KRABD2: variants seen among roughly 807,000 people sequenced by gnomAD.
The protein encoded by KRABD2 is KRAB domain containing 2, also known as KRAB domain-containing protein 2.
chr17:8,365,986 G>T, the KRABD2 span, among the ~76,000 whole-genome samples: 1 of 152,026 alleles, frequency 6.6e-6, no homozygotes, highest in Non-Finnish European at 1.5e-5. Flanking sequence ...AATTAGCCGG[G>T]CGTGGTTGGC....
the KRABD2 span, among the ~76,000 whole-genome samples, chr17:8,366,753 GCT>G: frequency 1.3e-5 from 2 of 151,132 alleles, no homozygotes; most frequent in African/African-American, 4.9e-5. Context: ...ATAGAGCCTT[GCT>G]CTGTCGCCCA....
At chr17:8,367,997 G>A in the KRABD2 span, among the ~76,000 whole-genome samples, 18 of 147,876 alleles carry the variant, frequency 1.2e-4, no homozygotes, top group Non-Finnish European at 2.2e-4. Context: ...GTGTGGTGGC[G>A]TGTGCCTGTA....
the KRABD2 span, chr17:8,359,803 T>G: frequency 2.2e-6 from 1 of 456,038 alleles, no homozygotes; most frequent in South Asian, 1.5e-5. Flanking sequence ...CTGGGTTCTG[T>G]GTTGAGCGAG....
chr17:8,370,498 T>G, the KRABD2 span: 1 of 725,720 alleles, frequency 1.4e-6, no homozygotes. Context: ...AAGATGATTA[T>G]ATGGAAGAAT....
At chr17:8,360,863 T>C in the KRABD2 span, among the ~76,000 whole-genome samples, 17 of 152,294 alleles carry the variant, frequency 1.1e-4, no homozygotes, top group Non-Finnish European at 1.5e-4. Flanking sequence ...CATGCACTGA[T>C]TGAACCTAAC....
At chr17:8,363,359 AT>A in the KRABD2 span, among the ~76,000 whole-genome samples, 6,360 of 150,654 alleles carry the variant, frequency 0.042, 154 homozygotes, top group Non-Finnish European at 0.06. Context: ...TTAGAAAACA[AT>A]TTTTTTTTTG....
chr17:8,363,545 G>A, the KRABD2 span, among the ~76,000 whole-genome samples: 2 of 151,498 alleles, frequency 1.3e-5, no homozygotes, highest in Admixed American at 1.3e-4. Flanking sequence ...ATGCGGTTTC[G>A]CCATTTTGGC....
chr17:8,359,831 A>G, the KRABD2 span: 2 of 456,038 alleles, frequency 4.4e-6, no homozygotes, highest in East Asian at 1.4e-4. Flanking sequence ...TGGTCCCTAC[A>G]TTTAAGGCAG....
the KRABD2 span, among the ~76,000 whole-genome samples, chr17:8,367,660 C>T: frequency 2.4e-5 from 3 of 124,970 alleles, no homozygotes; most frequent in East Asian, 6.8e-4. Context: ...GAGACCCTGT[C>T]TCAAAAAAAA....
the KRABD2 span, chr17:8,370,395 G>C: frequency 6.6e-7 from 1 of 1,518,706 alleles, no homozygotes. Flanking sequence ...TCCTAAGAAA[G>C]GAAGAAAAGA....
chr17:8,375,536 ATT>A, the KRABD2 span, among the ~76,000 whole-genome samples: 27,397 of 141,114 alleles, frequency 0.19, 3,139 homozygotes, highest in Non-Finnish European at 0.27. Context: ...TTTTTCTTTC[ATT>A]TTTTTTTTTT....
At chr17:8,366,395 C>G in the KRABD2 span, among the ~76,000 whole-genome samples, 4 of 152,308 alleles carry the variant, frequency 2.6e-5, no homozygotes, top group Admixed American at 2.6e-4. Flanking sequence ...CCAACTCTTG[C>G]ATTTTGTTCC....
chr17:8,370,272 A>G, the KRABD2 span: 4 of 1,613,090 alleles, frequency 2.5e-6, no homozygotes, highest in Non-Finnish European at 3.4e-6. Flanking sequence ...TGTTACACTC[A>G]TAAGAAACTT....
the KRABD2 span, among the ~76,000 whole-genome samples, chr17:8,362,825 C>A: frequency 1.3e-5 from 2 of 152,184 alleles, no homozygotes; most frequent in Non-Finnish European, 2.9e-5. This position sits in a 1 kb window ranked among gnomAD's most constrained non-coding sequence, Gnocchi z 4.2. Flanking sequence ...GGCTTCTTCA[C>A]AACATGGTGA....
At chr17:8,371,672 G>T in the KRABD2 span, 1 of 1,405,500 alleles carries the variant, frequency 7.1e-7, no homozygotes, top group South Asian at 1.7e-5. Context: ...TGTTGGTCTG[G>T]CCAGTTTTGA....
chr17:8,363,115 G>A, the KRABD2 span, among the ~76,000 whole-genome samples: 1 of 152,208 alleles, frequency 6.6e-6, no homozygotes, highest in Non-Finnish European at 1.5e-5. Flanking sequence ...GGGGCAGTGA[G>A]GGAGAATGAT....
chr17:8,369,090 T>C, the KRABD2 span: 4 of 1,559,536 alleles, frequency 2.6e-6, no homozygotes, highest in African/African-American at 1.4e-5. Flanking sequence ...CAGATGACTA[T>C]GCTCAGAGAG....
the KRABD2 span, chr17:8,369,819 A>G: frequency 9.3e-6 from 15 of 1,614,118 alleles, no homozygotes; most frequent in Non-Finnish European, 1.2e-5. Flanking sequence ...AAGTATTTCA[A>G]CTTGGCATGT....
At chr17:8,369,854 G>T in the KRABD2 span, 24 of 1,614,040 alleles carry the variant, frequency 1.5e-5, no homozygotes, top group Non-Finnish European at 1.9e-5. Flanking sequence ...TAAAAGTCAT[G>T]GGCTTTGGTG....
Sources: allele counts gnomAD v4.1 joint callset (sites outside exome capture counted in the v4.1 genomes callset), GRCh38; gene constraint gnomAD v4.1.1; non-coding constraint Gnocchi (gnomAD v3.1); transcripts MANE v1.5; gene names NCBI Gene and HGNC (gene_info 2026-07-23, HGNC 2026-07-21).